ITFG1: variants seen among roughly 807,000 people sequenced by gnomAD.
The protein encoded by ITFG1 is integrin alpha FG-GAP repeat containing 1, also known as T-cell immunomodulatory protein.
A neutral mutation model predicts 81.8 loss-of-function variants in ITFG1; 34 were observed. The ratio of observed to expected loss-of-function variants is 0.42; its 90% CI spans 0.32 to 0.55. The LOEUF (loss-of-function observed/expected upper bound fraction) is 0.55, where lower values mean the gene tolerates loss of function less well. Among genes scored for constraint, ITFG1 ranks in the 20% least tolerant of loss-of-function variants. The pLI is 0.17. For missense variants in ITFG1, 672 were observed against 755.4 expected, an observed-to-expected ratio of 0.89 and a Z score of 1.29; for synonymous variants, 285 against 270.6, an observed-to-expected ratio of 1.05 and a Z score of -0.52.
chr16:47,178,356 T>A (rs1023838805), intron 14 of ITFG1, among the ~76,000 whole-genome samples: 1 of 152,196 alleles, frequency 6.6e-6, no homozygotes, highest in Admixed American at 6.5e-5. Flanking sequence ...AGTGTCACTG[T>A]ATAAATGCTC....
intron 14 of ITFG1, among the ~76,000 whole-genome samples, chr16:47,176,630 A>T (rs547067135): frequency 1.3e-5 from 2 of 152,290 alleles, no homozygotes; most frequent in South Asian, 4.1e-4. Flanking sequence ...CATTTGTTAT[A>T]TTGTCACATC....
intron 2 of ITFG1, among the ~76,000 whole-genome samples, chr16:47,457,568 G>T (rs999709583): frequency 2.6e-5 from 4 of 152,018 alleles, no homozygotes; most frequent in Non-Finnish European, 5.9e-5. Flanking sequence ...TCAGCTACAG[G>T]TTTTAAAAGT....
chr16:47,244,211 C>T (rs768318685), intron 12 of ITFG1, among the ~76,000 whole-genome samples: 1 of 152,178 alleles, frequency 6.6e-6, no homozygotes, highest in Admixed American at 6.5e-5. Context: ...AGCAGGTAAA[C>T]GTAAGTAAAG....
chr16:47,306,284 G>C (rs1442385520), intron 10 of ITFG1, among the ~76,000 whole-genome samples: 1 of 152,058 alleles, frequency 6.6e-6, no homozygotes, highest in Non-Finnish European at 1.5e-5. Context: ...TGATATTTCA[G>C]ATAACCATTG....
At chr16:47,223,658 G>A (rs1379768602) in intron 13 of ITFG1, among the ~76,000 whole-genome samples, 1 of 152,112 alleles carries the variant, frequency 6.6e-6, no homozygotes, top group Admixed American at 6.5e-5. Flanking sequence ...TCAGTGTGGC[G>A]ATTCCTCAGG....
intron 7 of ITFG1, among the ~76,000 whole-genome samples, chr16:47,369,266 C>A (rs1414694826): frequency 1.3e-5 from 2 of 152,246 alleles, no homozygotes; most frequent in South Asian, 4.1e-4. Context: ...CAGTCTGGTG[C>A]AAAGAACACT....
intron 10 of ITFG1, among the ~76,000 whole-genome samples, chr16:47,302,026 A>G (rs531477265): frequency 3.4e-5 from 5 of 148,460 alleles, no homozygotes; most frequent in South Asian, 2.1e-4. Flanking sequence ...AGTTTCCCCA[A>G]TGAGTCTTCA....
At chr16:47,201,927 A>T (rs1206601989) in intron 14 of ITFG1, 7 of 152,202 alleles carry the variant, frequency 4.6e-5, no homozygotes, top group Admixed American at 3.3e-4. Context: ...TGTATCTGAC[A>T]TTTAGTATGT....
At chr16:47,317,338 T>TTA (rs1440525638) in intron 8 of ITFG1, among the ~76,000 whole-genome samples, 1 of 152,184 alleles carries the variant, frequency 6.6e-6, no homozygotes, top group Admixed American at 6.5e-5. Context: ...CAATGAATTT[T>TTA]TATATATAAT....
chr16:47,323,092 T>C (rs1354118609), intron 8 of ITFG1, among the ~76,000 whole-genome samples: 1 of 152,144 alleles, frequency 6.6e-6, no homozygotes, highest in Non-Finnish European at 1.5e-5. Context: ...CTTTCACTAC[T>C]ATTATGATTT....
At chr16:47,409,751 T>C (rs1172335962) in intron 6 of ITFG1, among the ~76,000 whole-genome samples, 1 of 151,666 alleles carries the variant, frequency 6.6e-6, no homozygotes, top group Admixed American at 6.6e-5. Flanking sequence ...TTTTAAAAAA[T>C]CTTACATACA....
intron 8 of ITFG1, among the ~76,000 whole-genome samples, chr16:47,355,635 TC>T (rs1449195057): frequency 6.6e-6 from 1 of 152,192 alleles, no homozygotes; most frequent in Non-Finnish European, 1.5e-5. Flanking sequence ...TCACATTGTA[TC>T]CCACAAATAT....
intron 10 of ITFG1, among the ~76,000 whole-genome samples, chr16:47,296,761 T>C (rs113726991): frequency 0.027 from 4,134 of 152,144 alleles, 102 homozygotes; most frequent in Middle Eastern, 0.048. Context: ...AGAATTTCCG[T>C]TGGTATTGAT....
chr16:47,449,421 T>A (rs1394591804), intron 5 of ITFG1: 1 of 152,258 alleles, frequency 6.6e-6, no homozygotes. Context: ...GTAGTTTTCA[T>A]ATTTTAGTAA....
intron 10 of ITFG1, among the ~76,000 whole-genome samples, chr16:47,281,711 G>A (rs531266642): frequency 6.6e-6 from 1 of 152,164 alleles, no homozygotes; most frequent in African/African-American, 2.4e-5. Context: ...CTGAACATCT[G>A]TAGTAAAATC....
chr16:47,189,951 A>G (rs1286806602), intron 14 of ITFG1, among the ~76,000 whole-genome samples: 1 of 152,212 alleles, frequency 6.6e-6, no homozygotes, highest in African/African-American at 2.4e-5. Flanking sequence ...TGGAGTTCCA[A>G]TTTAATGGTA....
chr16:47,421,361 A>T (rs546782667), intron 6 of ITFG1, among the ~76,000 whole-genome samples: 3 of 151,378 alleles, frequency 2.0e-5, no homozygotes, highest in Non-Finnish European at 4.4e-5. Flanking sequence ...GCTGGAGAGC[A>T]GTGGCGCGAT....
intron 8 of ITFG1, among the ~76,000 whole-genome samples, chr16:47,348,086 G>T (rs902614901): frequency 1.2e-4 from 19 of 152,156 alleles, no homozygotes; most frequent in Non-Finnish European, 1.5e-5. Context: ...AAGACAAAAG[G>T]TAGATAAAAC....
At chr16:47,225,902 G>GA (rs201651636) in intron 13 of ITFG1, among the ~76,000 whole-genome samples, 37 of 146,524 alleles carry the variant, frequency 2.5e-4, no homozygotes, top group Admixed American at 2.0e-3. Flanking sequence ...GACGAAGTTG[G>GA]AAAAAAAAAA....
Sources: gnomAD v4.1 joint callset for allele counts (sites outside exome capture counted in the v4.1 genomes callset) on GRCh38, gnomAD v4.1.1 for gene constraint, MANE v1.5 for transcripts, NCBI Gene and HGNC (gene_info 2026-07-23, HGNC 2026-07-21) for gene names.